Variants in LDLRAD4 observed in about 807,000 individuals in gnomAD.
LDLRAD4 encodes the protein low-density lipoprotein receptor class A domain-containing protein 4.
LDLRAD4 carries 5 observed loss-of-function variants against 17.0 expected under a neutral mutation model. That is an observed-to-expected ratio of 0.29 (90% CI 0.15 to 0.62). The LOEUF (loss-of-function observed/expected upper bound fraction) is 0.62. LDLRAD4 is among the 20% of genes least tolerant of loss of function. The probability of loss-of-function intolerance (pLI) is 0.84; values close to 1 mark genes in which losing one functional copy is unlikely to be tolerated. For missense variants in LDLRAD4, 340 were observed against 424.7 expected (o/e 0.80, Z 1.75); for synonymous variants, 168 against 171.8 (o/e 0.98, Z 0.17).
At chr18:13,359,599 A>G (rs985202784) in intron 1 of LDLRAD4, among the ~76,000 whole-genome samples, 3 of 152,206 alleles carry the variant, frequency 2.0e-5, no homozygotes, top group African/African-American at 7.2e-5. Context: ...GAAGGGATTT[A>G]ATTTTTTAAT....
intron 1 of LDLRAD4, among the ~76,000 whole-genome samples, chr18:13,229,536 A>T (rs763382081): frequency 3.9e-5 from 6 of 152,088 alleles, no homozygotes; most frequent in Admixed American, 6.5e-5. Flanking sequence ...CCTTTTGGAG[A>T]CATAGAGACC....
At chr18:13,474,396 C>A (rs1255552131) in intron 3 of LDLRAD4, among the ~76,000 whole-genome samples, 1 of 152,226 alleles carries the variant, frequency 6.6e-6, no homozygotes, top group Non-Finnish European at 1.5e-5. Flanking sequence ...TCCATCCCAA[C>A]CTCAGGAGTT....
chr18:13,311,368 ATCCTGGTGGCGGTGT>A (rs1274553587), intron 1 of LDLRAD4, among the ~76,000 whole-genome samples: 2 of 152,218 alleles, frequency 1.3e-5, no homozygotes, highest in African/African-American at 4.8e-5. Context: ...GTCTTTGTGC[ATCCTGGTGGCGGTGT>A]TGCGGGTGGC....
chr18:13,500,816 G>A (rs991540039), intron 3 of LDLRAD4: 2 of 152,170 alleles, frequency 1.3e-5, no homozygotes, highest in Non-Finnish European at 2.9e-5. Context: ...CCAGCTGGGA[G>A]TTTGTGAGGC....
chr18:13,392,191 C>T (rs537153362), intron 2 of LDLRAD4, among the ~76,000 whole-genome samples: 75 of 152,366 alleles, frequency 4.9e-4, no homozygotes, highest in Non-Finnish European at 9.1e-4. Context: ...AGTGACTGCG[C>T]TCAGAATTGG....
chr18:13,643,902 A>G (rs1251369213), intron 5 of LDLRAD4, among the ~76,000 whole-genome samples: 1 of 152,260 alleles, frequency 6.6e-6, no homozygotes, highest in Non-Finnish European at 1.5e-5. Flanking sequence ...ACATCTATGC[A>G]TATATGCGTG....
At chr18:13,529,004 G>A (rs2094082967) in intron 3 of LDLRAD4, among the ~76,000 whole-genome samples, 3 of 152,244 alleles carry the variant, frequency 2.0e-5, no homozygotes, top group African/African-American at 4.8e-5. Flanking sequence ...CAATGCTTTG[G>A]ATCACAGGAG....
chr18:13,538,511 T>C (rs991664828), intron 3 of LDLRAD4, among the ~76,000 whole-genome samples: 1 of 150,652 alleles, frequency 6.6e-6, no homozygotes, highest in Non-Finnish European at 1.5e-5. Flanking sequence ...GAGTCTCATT[T>C]AAAATTTTGA....
At chr18:13,532,789 G>C (rs1363211697) in intron 3 of LDLRAD4, among the ~76,000 whole-genome samples, 1 of 152,194 alleles carries the variant, frequency 6.6e-6, no homozygotes, top group East Asian at 1.9e-4. Flanking sequence ...TGGTGCCCAG[G>C]GTGGAAGCCT....
intron 3 of LDLRAD4, chr18:13,486,960 C>G (rs1046891592): frequency 6.6e-6 from 1 of 152,216 alleles, no homozygotes; most frequent in Non-Finnish European, 1.5e-5. Context: ...CGCACCCCAA[C>G]GCTTGCTGTC....
intron 3 of LDLRAD4, among the ~76,000 whole-genome samples, chr18:13,557,959 CA>C (rs547132350): frequency 6.2e-4 from 95 of 152,222 alleles, no homozygotes; most frequent in East Asian, 3.7e-3. Flanking sequence ...AAAATCTAAT[CA>C]TTTTTTCAAG....
Position 13,623,602 on chromosome 18 carries a change from A to G in LDLRAD4, c.336+2331A>G, listed in dbSNP as rs553844741. Among the ~76,000 whole-genome samples, 4 of 152,372 alleles carry G rather than the reference A, an allele frequency of 2.6e-5. No individual in the cohort carries two copies. In the East Asian group the frequency reaches 7.7e-4, roughly 29 times the overall value. The stretch of plus-strand genomic sequence containing the variant: ...CAAGATGCATTCCAGCACGATGACC[A>G]GAGGCAGCTCGGCCCAGGCCCTTGC... On this transcript the variant is annotated intron_variant, in intron 4 of 5. Transcript: ENST00000359446.
Position 13,352,016 on chromosome 18 carries a change from A to G in LDLRAD4, c.-382-35325A>G, listed in dbSNP as rs142657051. Among the ~76,000 whole-genome samples the G allele has an allele frequency of 2.7e-3, 411 of 152,336 alleles. 1 individual carries two copies. Among genetic ancestry groups the G allele is most frequent in the African/African-American group, 8.9e-3 (372 of 41,582 alleles). Reference sequence around the variant, plus strand: ...AAACAGAACCAATGACAAAAACCACATGATCATCTCAATAGATGCAGAAAA... The same window carrying G: ...AAACAGAACCAATGACAAAAACCACGTGATCATCTCAATAGATGCAGAAAA... On this transcript the variant is annotated intron_variant, in intron 1 of 5. Coordinates refer to ENST00000359446, the Ensembl canonical transcript of LDLRAD4.
intron 3 of LDLRAD4, among the ~76,000 whole-genome samples, chr18:13,477,984 A>G (rs189368793): frequency 5.1e-4 from 78 of 152,310 alleles, no homozygotes; most frequent in Non-Finnish European, 7.9e-4. Flanking sequence ...CTTTTTACTC[A>G]TCTGCTCCCA....
chr18:13,581,461 G>A (rs1437638969), intron 3 of LDLRAD4, among the ~76,000 whole-genome samples: 2 of 152,144 alleles, frequency 1.3e-5, no homozygotes, highest in Non-Finnish European at 2.9e-5. Flanking sequence ...TTTTCCCTGG[G>A]TAGAATCTCC....
intron 1 of LDLRAD4, among the ~76,000 whole-genome samples, chr18:13,255,903 T>C (rs1243329830): frequency 1.3e-5 from 2 of 152,202 alleles, no homozygotes; most frequent in African/African-American, 4.8e-5. Flanking sequence ...ATCATTGCTT[T>C]TATTGTGAGG....
At chr18:13,382,354 G>C (rs190997410) in intron 1 of LDLRAD4, among the ~76,000 whole-genome samples, 1 of 152,110 alleles carries the variant, frequency 6.6e-6, no homozygotes, top group Non-Finnish European at 1.5e-5. Flanking sequence ...GGAGGACTGC[G>C]TTTCATATAA....
chr18:13,476,372 C>T (rs7505750), intron 3 of LDLRAD4, among the ~76,000 whole-genome samples: 108,337 of 152,052 alleles, frequency 0.71, 39,881 homozygotes, highest in Middle Eastern at 0.82. Flanking sequence ...CATCTGTAAT[C>T]CCAGCACTTT....
chr18:13,640,532 GAGAACCTCAGGGC>G (rs1005913284), intron 4 of LDLRAD4, among the ~76,000 whole-genome samples: 2 of 152,198 alleles, frequency 1.3e-5, no homozygotes, highest in Non-Finnish European at 2.9e-5. Flanking sequence ...CTCAGGCTTT[GAGAACCTCAGGGC>G]AGAACACCTT....
Sources: gnomAD v4.1 joint callset for allele counts (sites outside exome capture counted in the v4.1 genomes callset) on GRCh38, gnomAD v4.1.1 for gene constraint, MANE v1.5 for transcripts, NCBI Gene and HGNC (gene_info 2026-07-23, HGNC 2026-07-21) for gene names.